The following RBM27 variants were observed in gnomAD, a reference collection of about 807,000 sequenced individuals.
RBM27 encodes the protein RNA-binding protein 27.
In RBM27, 22 loss-of-function variants were observed where a neutral mutation model predicts 135.3. The ratio of observed to expected loss-of-function variants is 0.16; its 90% confidence interval spans 0.12 to 0.23. The LOEUF is 0.23. Ranked by LOEUF, RBM27 falls within the 10% of genes least tolerant of loss-of-function variation. The pLI is 1.00. For missense variants in RBM27, 1,009 were observed against 1,281.0 expected (o/e 0.79, Z 3.24); for synonymous variants, 481 against 442.4 (o/e 1.09, Z -1.10).
chr5:146,248,438 C>T (rs1443154277), intron 8 of RBM27, among the ~76,000 whole-genome samples: 1 of 152,008 alleles, frequency 6.6e-6, no homozygotes, highest in African/African-American at 2.4e-5. Context: ...AGTCAGGCTA[C>T]ATTTGGATTA....
intron 14 of RBM27, among the ~76,000 whole-genome samples, chr5:146,265,135 A>G (rs764873025): frequency 1.1e-4 from 17 of 152,192 alleles, no homozygotes; most frequent in Non-Finnish European, 2.1e-4. Flanking sequence ...ATGGAAAGAC[A>G]TATGTGCAAG....
At chr5:146,241,026 G>C (rs1757387075) in intron 8 of RBM27, among the ~76,000 whole-genome samples, 1 of 152,108 alleles carries the variant, frequency 6.6e-6, no homozygotes, top group African/African-American at 2.4e-5. Context: ...CCCCGAATCA[G>C]CTCTTAATAT....
intron 8 of RBM27, among the ~76,000 whole-genome samples, chr5:146,246,190 T>G (rs986071453): frequency 4.6e-5 from 7 of 152,190 alleles, no homozygotes; most frequent in Non-Finnish European, 7.3e-5. Context: ...TGGGAAGATG[T>G]AGCTTTTTAT....
chr5:146,276,672 A>T (rs545534422), intron 19 of RBM27, among the ~76,000 whole-genome samples: 1 of 152,342 alleles, frequency 6.6e-6, no homozygotes, highest in Non-Finnish European at 1.5e-5. Context: ...GCTTTCCAGA[A>T]CAAAAATTAA....
chr5:146,270,928 C>A (rs1407829044), intron 17 of RBM27, 26 bp from the exon 18 acceptor site: 5 of 1,460,720 alleles, frequency 3.4e-6, no homozygotes, highest in Admixed American at 1.8e-5. Flanking sequence ...CTAAAAAATA[C>A]CTTTTTATTT....
intron 8 of RBM27, among the ~76,000 whole-genome samples, chr5:146,250,413 C>G (rs1757830464): frequency 7.8e-6 from 1 of 128,452 alleles, no homozygotes; most frequent in African/African-American, 3.1e-5. Flanking sequence ...GCCTGGGTGA[C>G]AGAGCAAGAC....
intron 7 of RBM27, among the ~76,000 whole-genome samples, chr5:146,233,988 C>G (rs935463384): frequency 2.6e-5 from 4 of 152,012 alleles, no homozygotes; most frequent in African/African-American, 9.7e-5. Flanking sequence ...GCAGTCAAAT[C>G]TAGTTATCAT....
chr5:146,278,568 C>CATATATAT (rs1759192393), intron 19 of RBM27, among the ~76,000 whole-genome samples: 1 of 152,022 alleles, frequency 6.6e-6, no homozygotes, highest in African/African-American at 2.4e-5. Flanking sequence ...ACCGTTTTGC[C>CATATATAT]ATATGTACTT....
chr5:146,264,371 T>TG (rs960791621), intron 14 of RBM27, among the ~76,000 whole-genome samples: 3 of 151,898 alleles, frequency 2.0e-5, no homozygotes. Context: ...TTAGTGGAGA[T>TG]GGGGTTTCTC....
chr5:146,279,016 T>A (rs1759214721), intron 19 of RBM27, among the ~76,000 whole-genome samples: 2 of 152,090 alleles, frequency 1.3e-5, no homozygotes, highest in African/African-American at 4.8e-5. Context: ...CCCCTGCGCC[T>A]GGCCTTTTTT....
intron 13 of RBM27, 75 bp downstream of exon 13, chr5:146,261,881 T>C (rs898245391): frequency 4.1e-6 from 6 of 1,472,540 alleles, no homozygotes; most frequent in Non-Finnish European, 5.6e-6. Flanking sequence ...TCCTGGTCCT[T>C]GGGTCTTCTA....
chr5:146,265,633 T>C (rs922924859), intron 14 of RBM27, among the ~76,000 whole-genome samples: 4 of 152,204 alleles, frequency 2.6e-5, no homozygotes, highest in Non-Finnish European at 5.9e-5. Flanking sequence ...ATATCTGCAT[T>C]GAGTGCTTTA....
chr5:146,233,251 A>G (rs1227099808), intron 6 of RBM27, among the ~76,000 whole-genome samples, 199 bp from the exon 7 acceptor site: 1 of 152,168 alleles, frequency 6.6e-6, no homozygotes. Context: ...TCATAGTATC[A>G]TAGTGTAAAA....
chr5:146,211,392 G>A (rs1477650654), intron 1 of RBM27, among the ~76,000 whole-genome samples: 1 of 143,766 alleles, frequency 7.0e-6, no homozygotes, highest in Non-Finnish European at 1.5e-5. Context: ...CAATATATGT[G>A]TATCTTTAAT....
At chr5:146,269,962 T>C (rs2126881187) in intron 17 of RBM27, among the ~76,000 whole-genome samples, 1 of 152,262 alleles carries the variant, frequency 6.6e-6, no homozygotes, top group Admixed American at 6.5e-5. Flanking sequence ...CAAAGATGTG[T>C]TTTTTAACTG....
chr5:146,261,777 C>T lies in RBM27; in HGVS notation c.2161C>T (p.Pro721Ser). The change falls in exon 13 of 21, where the codon CCT becomes TCT. Residue 721 changes from proline to serine, a missense_variant. Pro to Ser is a moderately conservative substitution (Grantham distance 74). Around this residue, in one of 6 missense-constraint regions of RBM27, gnomAD observed 355 missense variants for 427.3 expected, o/e 0.83. Coordinates refer to ENST00000265271, the MANE Select transcript of RBM27 (RefSeq NM_018989.2). ...QQQVLVAQSA[P>S]STVHGGIQKM... is the part of the protein sequence containing the mutation. ...GCAGGTGCTAGTGGCCCAGTCTGCTCCTTCAACAGTGCACGGAGGTATCCA... is the reference window on the plus strand; with the variant it reads ...GCAGGTGCTAGTGGCCCAGTCTGCTTCTTCAACAGTGCACGGAGGTATCCA... 1 of 1,614,162 alleles carries T rather than the reference C, an allele frequency of 6.2e-7. No individual in the cohort carries two copies. The highest frequency in any genetic ancestry group is 8.5e-7 in the Non-Finnish European group (1 of 1,180,036).
chr5:146,285,961 A>C lies in RBM27; in HGVS notation c.3114A>C (p.Ser1038=). 2.5e-6 allele frequency: 4 copies of C among 1,612,418 alleles called. No homozygotes were observed. The highest frequency in any genetic ancestry group is 3.4e-6 in the Non-Finnish European group (4 of 1,178,948). Residue 1038 remains serine, a synonymous_variant, in exon 21 of 21, where the codon TCA becomes TCC. Coordinates refer to ENST00000265271, the MANE Select transcript of RBM27 (RefSeq NM_018989.2). The part of the protein sequence containing the change: ...EEVKEEETET[S]DLFLPDDDDE... ...TCTTTCTTCAGGAAACAGAAACCTC[A>C]GATTTGTTTTTGCCTGATGATGACG...
chr5:146,273,213 C>G (rs1758944805), intron 19 of RBM27, among the ~76,000 whole-genome samples: 1 of 152,124 alleles, frequency 6.6e-6, no homozygotes, highest in Middle Eastern at 3.2e-3. Flanking sequence ...GTTAATCTTA[C>G]TAGGGAGACA....
In RBM27 at chr5:146,258,471, T is replaced by G; in HGVS notation, c.1617T>G (p.Thr539=). The change falls in exon 11 of 21, where the codon ACT becomes ACG. Residue 539 remains threonine (T), a synonymous_variant. Transcript: ENST00000265271. ...NPRAANIVIQ[T]EPPVPVSINS... ...CAGCTGCTAACATTGTGATCCAGAC[T>G]GAACCACCAGTTCCTGTTTCGATTA... 6.3e-7 allele frequency: 1 copy of G among 1,586,250 alleles called. No homozygotes were observed. The highest frequency in any genetic ancestry group is 1.4e-5 in the African/African-American group (1 of 73,624).
Sources: allele counts gnomAD v4.1 joint callset (sites outside exome capture counted in the v4.1 genomes callset), GRCh38; gene constraint gnomAD v4.1.1; regional missense constraint gnomAD v4.1.1; transcripts MANE v1.5; gene names NCBI Gene and HGNC (gene_info 2026-07-23, HGNC 2026-07-21).